AUH: variants seen among roughly 807,000 people sequenced by gnomAD.
The protein encoded by AUH is AU RNA binding methylglutaconyl-CoA hydratase, also known as methylglutaconyl-CoA hydratase, mitochondrial.
In AUH, 29 loss-of-function variants were observed where a neutral mutation model predicts 42.3. The observed-to-expected ratio is 0.69, with a 90% confidence interval of 0.51 to 0.93. The LOEUF (loss-of-function observed/expected upper bound fraction) is 0.93. AUH is among the 40% of genes least tolerant of loss of function. The pLI, the probability that AUH is intolerant of heterozygous loss-of-function variation, is 0.00. For synonymous variants in AUH, 174 were observed against 166.4 expected, an observed-to-expected ratio of 1.05 and a Z score of -0.35; for missense variants, 452 against 438.1, an observed-to-expected ratio of 1.03 and a Z score of -0.28.
chr9:91,332,814 T>C (rs551638911), intron 3 of AUH, among the ~76,000 whole-genome samples: 2 of 152,270 alleles, frequency 1.3e-5, no homozygotes, highest in South Asian at 2.1e-4. Context: ...TCATGGGTCA[T>C]GTACAAAAAA....
At chr9:91,295,790 G>A (rs995828204) in intron 6 of AUH, among the ~76,000 whole-genome samples, 4 of 152,156 alleles carry the variant, frequency 2.6e-5, no homozygotes, top group Non-Finnish European at 4.4e-5. Context: ...ATATGCACTG[G>A]GAAACCAAAA....
At chr9:91,339,718 C>T (rs187252763) in intron 3 of AUH, among the ~76,000 whole-genome samples, 1 of 152,174 alleles carries the variant, frequency 6.6e-6, no homozygotes, top group African/African-American at 2.4e-5. Context: ...GAACTTGCAC[C>T]TGTGGCTGCA....
At chr9:91,320,557 T>C (rs541621667) in intron 4 of AUH, among the ~76,000 whole-genome samples, 100 of 152,362 alleles carry the variant, frequency 6.6e-4, no homozygotes, top group African/African-American at 2.3e-3. Context: ...GTCTATAAAT[T>C]TGTTCTGACC....
intron 6 of AUH, among the ~76,000 whole-genome samples, chr9:91,226,800 A>C (rs1469159600): frequency 2.5e-5 from 3 of 121,040 alleles, no homozygotes; most frequent in African/African-American, 6.3e-5. Flanking sequence ...ACCATTTATT[A>C]AATAGGGAAT....
chr9:91,271,950 G>C (rs1825168289), intron 6 of AUH, among the ~76,000 whole-genome samples: 1 of 152,258 alleles, frequency 6.6e-6, no homozygotes, highest in South Asian at 2.1e-4. Flanking sequence ...CCAAAGTGCT[G>C]GGATTACAGG....
At chr9:91,335,431 AT>A (rs962621807) in intron 3 of AUH, among the ~76,000 whole-genome samples, 2 of 152,016 alleles carry the variant, frequency 1.3e-5, no homozygotes, top group African/African-American at 4.8e-5. Flanking sequence ...AATATTGTGT[AT>A]TTTTTCCCTC....
intron 1 of AUH, among the ~76,000 whole-genome samples, chr9:91,361,305 G>A (rs1287159870): frequency 6.6e-6 from 1 of 152,178 alleles, no homozygotes. Flanking sequence ...TGGTAGCAAG[G>A]ATTAAATCCC....
chr9:91,305,231 T>A (rs1828118805), intron 4 of AUH, among the ~76,000 whole-genome samples: 1 of 152,162 alleles, frequency 6.6e-6, no homozygotes, highest in Non-Finnish European at 1.5e-5. Flanking sequence ...ATTCAGTTAT[T>A]AGAAAGGACG....
At chr9:91,223,218 C>T (rs1427519286) in intron 6 of AUH, among the ~76,000 whole-genome samples, 1 of 152,122 alleles carries the variant, frequency 6.6e-6, no homozygotes, top group African/African-American at 2.4e-5. Flanking sequence ...AGGGGAAAAC[C>T]CTTGGCGTGG....
chr9:91,282,431 G>A (rs1826043170), intron 6 of AUH, among the ~76,000 whole-genome samples: 1 of 151,958 alleles, frequency 6.6e-6, no homozygotes, highest in African/African-American at 2.4e-5. Flanking sequence ...ACTGCTTGGT[G>A]GCAGGATCTT....
chr9:91,251,055 C>T (rs75398572), intron 6 of AUH, among the ~76,000 whole-genome samples: 3,978 of 152,212 alleles, frequency 0.026, 84 homozygotes, highest in East Asian at 0.059. Context: ...GATAGGGCAC[C>T]AGCCTAGGGT....
intron 2 of AUH, 35 bp from the exon 3 acceptor site, chr9:91,356,005 GA>G (rs140810123): frequency 5.6e-5 from 77 of 1,366,680 alleles, no homozygotes; most frequent in Admixed American, 9.9e-5. Context: ...AGGAAAAAGA[GA>G]AAAAAAAAAC....
intron 6 of AUH, among the ~76,000 whole-genome samples, chr9:91,236,500 CTG>C (rs1257279866): frequency 6.6e-6 from 1 of 152,104 alleles, no homozygotes; most frequent in Non-Finnish European, 1.5e-5. Context: ...GAAATCTAGG[CTG>C]TGTGAGGAGA....
chr9:91,245,678 A>G (rs1828754298), intron 6 of AUH, among the ~76,000 whole-genome samples: 1 of 152,166 alleles, frequency 6.6e-6, no homozygotes, highest in Non-Finnish European at 1.5e-5. Flanking sequence ...CAAGTGACTT[A>G]TGGGCATTAT....
At chr9:91,340,697 T>C (rs1831038596) in intron 3 of AUH, among the ~76,000 whole-genome samples, 1 of 152,182 alleles carries the variant, frequency 6.6e-6, no homozygotes, top group South Asian at 2.1e-4. Context: ...ATTTTTATTT[T>C]TATGTCAAGA....
intron 8 of AUH, 152 bp downstream of exon 8, chr9:91,217,125 T>C (rs1826865426): frequency 1.3e-6 from 1 of 774,210 alleles, no homozygotes; most frequent in African/African-American, 1.8e-5. Context: ...AATGACGTAC[T>C]TGCAAGGAAC....
intron 6 of AUH, among the ~76,000 whole-genome samples, chr9:91,250,100 A>T (rs961608771): frequency 3.3e-5 from 5 of 152,110 alleles, no homozygotes; most frequent in African/African-American, 1.2e-4. Context: ...AAACTTAAAA[A>T]ATTGTCTCCA....
chr9:91,235,171 A>G (rs530005189), intron 6 of AUH, among the ~76,000 whole-genome samples: 1 of 152,266 alleles, frequency 6.6e-6, no homozygotes, highest in African/African-American at 2.4e-5. Context: ...TGCACTTTAA[A>G]AAGATCATTT....
At chr9:91,292,414 G>A (rs76205251) in intron 6 of AUH, among the ~76,000 whole-genome samples, 6,301 of 151,776 alleles carry the variant, frequency 0.042, 412 homozygotes, top group African/African-American at 0.14. Flanking sequence ...AGGTAGCTGT[G>A]ATTACAAGCA....
Sources: allele counts gnomAD v4.1 joint callset (sites outside exome capture counted in the v4.1 genomes callset), GRCh38; gene constraint gnomAD v4.1.1; transcripts MANE v1.5; gene names NCBI Gene and HGNC (gene_info 2026-07-23, HGNC 2026-07-21).